Variants in RPRD1A observed in about 807,000 individuals in gnomAD.
RPRD1A encodes regulation of nuclear pre-mRNA domain containing 1A, also known as regulation of nuclear pre-mRNA domain-containing protein 1A.
RPRD1A carries 9 observed loss-of-function variants against 37.8 expected under a neutral mutation model. That is an observed-to-expected ratio of 0.24 (90% CI 0.14 to 0.42). RPRD1A has a LOEUF of 0.42. RPRD1A is among the 10% of genes least tolerant of loss of function. RPRD1A has a pLI of 1.00. For missense variants in RPRD1A, 255 were observed against 371.0 expected (o/e 0.69, Z 2.57); for synonymous variants, 138 against 139.7 (o/e 0.99, Z 0.08).
chr18:36,066,093 T>C (rs757342038), intron 1 of RPRD1A, among the ~76,000 whole-genome samples: 1 of 152,246 alleles, frequency 6.6e-6, no homozygotes, highest in South Asian at 2.1e-4. Flanking sequence ...TTCTGAAACC[T>C]TTCCGTCCAC....
At chr18:36,064,994 G>A (rs1353992393) in intron 1 of RPRD1A, among the ~76,000 whole-genome samples, 1 of 151,590 alleles carries the variant, frequency 6.6e-6, no homozygotes, top group Non-Finnish European at 1.5e-5. Context: ...GTGAAGGTCT[G>A]CAGCTTCACT....
intron 6 of RPRD1A, among the ~76,000 whole-genome samples, chr18:36,005,009 T>C (rs1475796081): frequency 3.3e-5 from 5 of 152,202 alleles, no homozygotes; most frequent in Admixed American, 3.3e-4. Flanking sequence ...TTTTAAAAAA[T>C]ACAACTGCAT....
intron 1 of RPRD1A, among the ~76,000 whole-genome samples, chr18:36,045,608 T>C (rs530363471): frequency 3.6e-4 from 55 of 152,356 alleles, no homozygotes; most frequent in African/African-American, 1.3e-3. Flanking sequence ...CCAGAAAGAC[T>C]GAAAGCTCTA....
At chr18:36,015,644 AG>A (rs1022298472) in intron 6 of RPRD1A, among the ~76,000 whole-genome samples, 4 of 152,250 alleles carry the variant, frequency 2.6e-5, no homozygotes, top group Admixed American at 2.0e-4. Flanking sequence ...GGCCTTAAAA[AG>A]GAAGGAAATT....
chr18:36,005,797 T>C (rs779401878), intron 6 of RPRD1A, among the ~76,000 whole-genome samples: 16 of 152,210 alleles, frequency 1.1e-4, no homozygotes, highest in Non-Finnish European at 1.8e-4. Context: ...CTAACCAAGA[T>C]AGACATCCAA....
chr18:36,048,432 A>C (rs1913120647), intron 1 of RPRD1A, among the ~76,000 whole-genome samples: 1 of 152,212 alleles, frequency 6.6e-6, no homozygotes, highest in Non-Finnish European at 1.5e-5. Context: ...GAATTTTACA[A>C]CACAGATAAG....
intron 6 of RPRD1A, among the ~76,000 whole-genome samples, chr18:36,022,496 G>A (rs997065049): frequency 1.3e-5 from 2 of 152,190 alleles, no homozygotes; most frequent in African/African-American, 2.4e-5. Context: ...AGTAGCTGAC[G>A]ACTTTAAGTA....
intron 1 of RPRD1A, chr18:36,040,657 GA>G: frequency 2.0e-6 from 1 of 507,142 alleles, no homozygotes; most frequent in African/African-American, 2.0e-5. Context: ...AAAGAAGAAA[GA>G]ATTCAAAACT....
At chr18:36,015,177 C>T (rs1366265917) in intron 6 of RPRD1A, among the ~76,000 whole-genome samples, 9 of 83,738 alleles carry the variant, frequency 1.1e-4, no homozygotes, top group East Asian at 3.4e-4. Context: ...CATATATACA[C>T]ACACACACAC....
At chr18:36,024,765 C>T (rs564982467) in intron 6 of RPRD1A, 12 of 152,280 alleles carry the variant, frequency 7.9e-5, no homozygotes, top group Admixed American at 6.5e-4. Flanking sequence ...AAATCTTCAC[C>T]TCTCAGTCTC....
At chr18:36,066,409 AATG>A (rs1216953167) in intron 1 of RPRD1A, among the ~76,000 whole-genome samples, 2 of 152,248 alleles carry the variant, frequency 1.3e-5, no homozygotes, top group Non-Finnish European at 2.9e-5. Flanking sequence ...TTGCAACAAT[AATG>A]AAGAGTGTCC....
At chr18:36,017,531 A>G (rs1165625473) in intron 6 of RPRD1A, among the ~76,000 whole-genome samples, 1 of 152,166 alleles carries the variant, frequency 6.6e-6, no homozygotes, top group African/African-American at 2.4e-5. Flanking sequence ...TGCCCTCCAC[A>G]ATGTGGCTCC....
intron 6 of RPRD1A, among the ~76,000 whole-genome samples, chr18:36,023,522 G>A (rs1030820571): frequency 2.0e-5 from 3 of 152,190 alleles, no homozygotes; most frequent in African/African-American, 7.2e-5. Context: ...GACAACAAAG[G>A]ATTTACTTGA....
intron 1 of RPRD1A, among the ~76,000 whole-genome samples, chr18:36,046,639 C>T (rs753175290): frequency 1.4e-4 from 21 of 151,380 alleles, no homozygotes; most frequent in Non-Finnish European, 2.7e-4. Flanking sequence ...AAGGCCAGCC[C>T]GGGGCAACAT....
At chr18:36,013,225 C>G (rs1910288726) in intron 6 of RPRD1A, among the ~76,000 whole-genome samples, 1 of 152,024 alleles carries the variant, frequency 6.6e-6, no homozygotes, top group African/African-American at 2.4e-5. Flanking sequence ...CCACAAAAAT[C>G]TGACAAAAAA....
intron 6 of RPRD1A, among the ~76,000 whole-genome samples, chr18:36,012,196 A>G (rs1910219102): frequency 6.6e-6 from 1 of 152,118 alleles, no homozygotes; most frequent in Non-Finnish European, 1.5e-5. Context: ...GACCATTCCT[A>G]TTGCCTAGTG....
At chr18:36,011,264 G>C (rs1421609557) in intron 6 of RPRD1A, among the ~76,000 whole-genome samples, 1 of 152,082 alleles carries the variant, frequency 6.6e-6, no homozygotes, top group African/African-American at 2.4e-5. Flanking sequence ...ATGTCACAGA[G>C]CTAGTAAGTG....
At chr18:36,015,735 A>G (rs1039322582) in intron 6 of RPRD1A, among the ~76,000 whole-genome samples, 1 of 152,216 alleles carries the variant, frequency 6.6e-6, no homozygotes, top group African/African-American at 2.4e-5. Context: ...AGAATACTGT[A>G]TGCTTTCCCT....
intron 6 of RPRD1A, among the ~76,000 whole-genome samples, chr18:36,005,370 A>T (rs1909686070): frequency 6.6e-6 from 1 of 152,218 alleles, no homozygotes; most frequent in African/African-American, 2.4e-5. Context: ...ACATAATGAA[A>T]CAAAATATAT....
Sources: allele counts gnomAD v4.1 joint callset (sites outside exome capture counted in the v4.1 genomes callset), GRCh38; gene constraint gnomAD v4.1.1; transcripts MANE v1.5; gene names NCBI Gene and HGNC (gene_info 2026-07-23, HGNC 2026-07-21).